Variants in CIROZ observed in about 807,000 individuals in gnomAD.
The protein encoded by CIROZ is ciliated left-right organizer protein containing ZP-N domains.
the CIROZ span, among the ~76,000 whole-genome samples, chr1:10,961,442 T>G: frequency 6.6e-6 from 1 of 152,298 alleles, no homozygotes; most frequent in East Asian, 1.9e-4. Flanking sequence ...GAGTCCAACA[T>G]GGCAGTGAGC....
At chr1:10,972,953 T>TAA in the CIROZ span, among the ~76,000 whole-genome samples, 1 of 144,628 alleles carries the variant, frequency 6.9e-6, no homozygotes, top group African/African-American at 2.5e-5. Context: ...AAATTTAAAA[T>TAA]AAAAAAAAAA....
At chr1:10,952,589 G>A in the CIROZ span, among the ~76,000 whole-genome samples, 7 of 152,136 alleles carry the variant, frequency 4.6e-5, no homozygotes, top group Non-Finnish European at 8.8e-5. Flanking sequence ...GAATGCAGTG[G>A]CACAATCTCA....
At chr1:10,959,303 G>A in the CIROZ span, among the ~76,000 whole-genome samples, 1 of 152,142 alleles carries the variant, frequency 6.6e-6, no homozygotes, top group Non-Finnish European at 1.5e-5. The surrounding 1 kb of genome is among the most constrained non-coding windows in gnomAD (Gnocchi z 4.3). Context: ...CTAAAACTGA[G>A]ACAGGCCCAG....
At chr1:10,964,779 C>T in the CIROZ span, among the ~76,000 whole-genome samples, 7 of 152,244 alleles carry the variant, frequency 4.6e-5, no homozygotes, top group South Asian at 4.2e-4. Context: ...TACAGGCAGA[C>T]GCCAACACGC....
the CIROZ span, among the ~76,000 whole-genome samples, chr1:10,963,327 T>C: frequency 6.6e-6 from 1 of 151,808 alleles, no homozygotes; most frequent in Non-Finnish European, 1.5e-5. Flanking sequence ...AGGCAGATGT[T>C]GCAGAGAGCC....
chr1:10,965,561 C>T, the CIROZ span, among the ~76,000 whole-genome samples: 1 of 152,080 alleles, frequency 6.6e-6, no homozygotes, highest in Admixed American at 6.6e-5. Flanking sequence ...CCATCTTCTA[C>T]AAAAAGTACA....
chr1:10,974,135 C>T, the CIROZ span, among the ~76,000 whole-genome samples: 1 of 152,102 alleles, frequency 6.6e-6, no homozygotes, highest in Non-Finnish European at 1.5e-5. The surrounding 1 kb of genome is among the most constrained non-coding windows in gnomAD (Gnocchi z 4.4). Flanking sequence ...AAGGCCCCAC[C>T]TGTGGGCCAG....
At chr1:10,952,262 G>A in the CIROZ span, among the ~76,000 whole-genome samples, 1 of 152,186 alleles carries the variant, frequency 6.6e-6, no homozygotes, top group Non-Finnish European at 1.5e-5. Flanking sequence ...AGGGAGGGGA[G>A]AGATTCATTC....
the CIROZ span, chr1:10,948,156 AGGAT>A: frequency 2.5e-5 from 41 of 1,613,558 alleles, no homozygotes; most frequent in Non-Finnish European, 3.3e-5. Flanking sequence ...CCTCGCTGGC[AGGAT>A]GGAGAGTCCC....
chr1:10,972,420 T>TAGAAACACACACACAC, the CIROZ span, among the ~76,000 whole-genome samples: 4 of 131,724 alleles, frequency 3.0e-5, no homozygotes, highest in African/African-American at 9.1e-5. Context: ...GTCTCTGAAA[T>TAGAAACACACACACAC]ACACACACAC....
At chr1:10,954,466 AAG>A in the CIROZ span, among the ~76,000 whole-genome samples, 874 of 135,300 alleles carry the variant, frequency 6.5e-3, 17 homozygotes, top group African/African-American at 0.021. Context: ...AAAAAAAAAA[AAG>A]AAAAGAAAAG....
At chr1:10,958,180 G>T in the CIROZ span, among the ~76,000 whole-genome samples, 1 of 152,196 alleles carries the variant, frequency 6.6e-6, no homozygotes, top group Non-Finnish European at 1.5e-5. Context: ...ACAGGGAAGG[G>T]TCGCCAGCTC....
the CIROZ span, chr1:10,964,077 C>T: frequency 6.3e-7 from 1 of 1,598,930 alleles, no homozygotes; most frequent in Non-Finnish European, 8.5e-7. Flanking sequence ...TAGAGAGAAG[C>T]CCAGCCTGGG....
the CIROZ span, among the ~76,000 whole-genome samples, chr1:10,960,525 C>G: frequency 6.6e-6 from 1 of 152,256 alleles, no homozygotes; most frequent in Non-Finnish European, 1.5e-5. This position sits in a 1 kb window ranked among gnomAD's most constrained non-coding sequence, Gnocchi z 4.6. Flanking sequence ...TCCGCAGGAG[C>G]TCGGGCAGCC....
At chr1:10,962,932 C>T in the CIROZ span, among the ~76,000 whole-genome samples, 3 of 152,170 alleles carry the variant, frequency 2.0e-5, no homozygotes, top group Non-Finnish European at 4.4e-5. Context: ...CCAGCCTGGG[C>T]AACACAGTGA....
At chr1:10,976,202 G>A in the CIROZ span, 2 of 1,536,662 alleles carry the variant, frequency 1.3e-6, no homozygotes, top group South Asian at 1.2e-5. Context: ...TGTCTGACCT[G>A]AAGGAGAGGC....
At chr1:10,948,800 T>C in the CIROZ span, 1 of 1,512,256 alleles carries the variant, frequency 6.6e-7, no homozygotes, top group South Asian at 1.4e-5. Context: ...ATGTCTGGCC[T>C]CTTCTCGCCG....
chr1:10,975,414 A>G, the CIROZ span, among the ~76,000 whole-genome samples: 1 of 149,604 alleles, frequency 6.7e-6, no homozygotes. Context: ...TCAGAAAAAA[A>G]AAAAAAAAAA....
At chr1:10,954,042 A>C in the CIROZ span, 2 of 1,613,044 alleles carry the variant, frequency 1.2e-6, no homozygotes, top group Admixed American at 1.7e-5. Context: ...GAAGCTCTCC[A>C]CTGTCCAGAG....
Sources: allele counts gnomAD v4.1 joint callset (sites outside exome capture counted in the v4.1 genomes callset), GRCh38; gene constraint gnomAD v4.1.1; non-coding constraint Gnocchi (gnomAD v3.1); transcripts MANE v1.5; gene names NCBI Gene and HGNC (gene_info 2026-07-23, HGNC 2026-07-21).